ARHGAP20: variants seen among roughly 807,000 people sequenced by gnomAD.
ARHGAP20 encodes Rho GTPase activating protein 20.
ARHGAP20 carries 34 observed loss-of-function variants against 73.7 expected under a neutral mutation model. The ratio of observed to expected loss-of-function variants is 0.46; its 90% CI spans 0.35 to 0.61. ARHGAP20 has a LOEUF of 0.61. ARHGAP20 is among the 20% of genes least tolerant of loss of function. The pLI, the probability that ARHGAP20 is intolerant of heterozygous loss-of-function variation, is 0.00. For synonymous variants in ARHGAP20, 523 were observed against 518.2 expected (o/e 1.01, Z -0.13); for missense variants, 1,314 against 1,420.9 (o/e 0.92, Z 1.21).
At chr11:110,583,825 G>T (rs1444968921) in intron 12 of ARHGAP20, 88 bp from the exon 13 acceptor site, 3 of 1,124,546 alleles carry the variant, frequency 2.7e-6, no homozygotes, top group Non-Finnish European at 3.6e-6. Flanking sequence ...TGGGGAAGAG[G>T]GAAATCAAGA....
intron 4 of ARHGAP20, among the ~76,000 whole-genome samples, chr11:110,621,153 A>G (rs1948621724): frequency 1.3e-5 from 2 of 150,942 alleles, no homozygotes; most frequent in South Asian, 4.2e-4. Context: ...AATAATTCAA[A>G]TTGTCATTTT....
At chr11:110,641,409 C>T (rs1949074675) in intron 2 of ARHGAP20, among the ~76,000 whole-genome samples, 1 of 151,884 alleles carries the variant, frequency 6.6e-6, no homozygotes. Context: ...TCACTTAGTA[C>T]AAGGCACTTG....
At chr11:110,692,816 G>A (rs953177883) in intron 1 of ARHGAP20, among the ~76,000 whole-genome samples, 2 of 151,966 alleles carry the variant, frequency 1.3e-5, no homozygotes, top group Non-Finnish European at 2.9e-5. Flanking sequence ...CAAGGAAGAT[G>A]AGGCAAAAAG....
intron 1 of ARHGAP20, among the ~76,000 whole-genome samples, chr11:110,700,106 C>A (rs1591189814): frequency 6.6e-6 from 1 of 152,042 alleles, no homozygotes; most frequent in African/African-American, 2.4e-5. Context: ...TCTGAATCTG[C>A]TCATTATTAG....
Position 110,630,765 on chromosome 11 carries a change from T to C in ARHGAP20, c.216A>G (p.Thr72=), listed in dbSNP as rs200904514. Residue 72 remains threonine (T), a synonymous_variant, in exon 3 of 15, where the codon ACA becomes ACG. Coordinates refer to ENST00000683387, the MANE Select transcript of ARHGAP20 (RefSeq NM_001384657.1). ...TRDSPSASVD[T]CTFLSSLVCS... ...ACACTAATGATGACAGAAATGTGCATGTGTCAACACTAGCAGAAGGACTGT... is the reference window on the plus strand; with the variant it reads ...ACACTAATGATGACAGAAATGTGCACGTGTCAACACTAGCAGAAGGACTGT... 4.3e-6 allele frequency: 7 copies of C among 1,614,082 alleles called. No individual in the cohort carries two copies. Among genetic ancestry groups the C allele is most frequent in the East Asian group, 2.2e-5 (1 of 44,878 alleles).
intron 1 of ARHGAP20, among the ~76,000 whole-genome samples, chr11:110,699,862 G>T (rs1239512875): frequency 1.3e-5 from 2 of 152,018 alleles, no homozygotes; most frequent in Non-Finnish European, 2.9e-5. Flanking sequence ...TGTGTATTAA[G>T]TGAATGAATT....
chr11:110,688,604 T>TA (rs558039753), intron 2 of ARHGAP20, among the ~76,000 whole-genome samples: 1 of 150,632 alleles, frequency 6.6e-6, no homozygotes, highest in Non-Finnish European at 1.5e-5. Flanking sequence ...CCACCTCCCC[T>TA]AAAAAAAAAT....
chr11:110,594,399 T>C (rs1328744947), intron 9 of ARHGAP20, among the ~76,000 whole-genome samples: 4 of 152,210 alleles, frequency 2.6e-5, no homozygotes, highest in African/African-American at 9.7e-5. Flanking sequence ...CAAAGGCTTA[T>C]TGAAAGGATT....
At chr11:110,639,684 T>C (rs1949041581) in intron 2 of ARHGAP20, among the ~76,000 whole-genome samples, 1 of 152,048 alleles carries the variant, frequency 6.6e-6, no homozygotes, top group South Asian at 2.1e-4. Flanking sequence ...TCACATCATG[T>C]AATATCTATC....
chr11:110,625,676 A>T lies in ARHGAP20; in HGVS notation c.354-1365T>A, dbSNP rs115973641. Among the ~76,000 whole-genome samples, 609 of 151,696 alleles carry T rather than the reference A, an allele frequency of 4.0e-3. 6 individuals are homozygous for T. Among genetic ancestry groups the T allele is most frequent in the African/African-American group, 0.014 (569 of 41,522 alleles). On this transcript the variant is annotated intron_variant, in intron 3 of 14. Coordinates refer to ENST00000683387, the MANE Select transcript of ARHGAP20 (RefSeq NM_001384657.1). ...AATTGCTTTTAGACAATTTCTACCT[A>T]ATCCCTGTAGACTCCTGATATGGAA...
chr11:110,611,054 T>C (rs1948355446), intron 7 of ARHGAP20, among the ~76,000 whole-genome samples: 1 of 152,100 alleles, frequency 6.6e-6, no homozygotes, highest in Non-Finnish European at 1.5e-5. Flanking sequence ...TATAATAAAA[T>C]ACATATTGTC....
intron 2 of ARHGAP20, among the ~76,000 whole-genome samples, chr11:110,634,359 C>G (rs554221560): frequency 2.6e-5 from 4 of 151,910 alleles, no homozygotes; most frequent in Admixed American, 2.6e-4. Flanking sequence ...GACAGGTAAG[C>G]GAGAAACAAT....
rs1947324275 is a variant in ARHGAP20 at position 110,577,694 on chromosome 11, G to C, written c.*1676C>G. ...AAATCGACTTCACATCTGTGACTCA[G>C]ATGGCCAGTGTCACGAAGTAGCTCT... On this transcript the variant is annotated 3_prime_UTR_variant, in exon 15 of 15. Transcript: ENST00000683387. The C allele has an allele frequency of 1.0e-6, 1 of 985,880 alleles. No individual in the cohort carries two copies. The highest frequency in any genetic ancestry group is 1.7e-5 in the African/African-American group (1 of 57,352). The allele number at this position is 985,880 out of a possible 1,614,324, so 61.1% of individuals were successfully genotyped here. A position where few individuals can be genotyped will look rare whatever the true frequency, so the allele number is the denominator to read the frequency against.
intron 14 of ARHGAP20, among the ~76,000 whole-genome samples, 179 bp downstream of exon 14, chr11:110,582,142 T>C (rs1947489033): frequency 6.6e-6 from 1 of 152,214 alleles, no homozygotes. Flanking sequence ...TGTTAACATA[T>C]GCTGACCTAT....
chr11:110,610,808 G>T (rs1948349258), intron 7 of ARHGAP20, among the ~76,000 whole-genome samples: 1 of 152,046 alleles, frequency 6.6e-6, no homozygotes, highest in African/African-American at 2.4e-5. Context: ...TTTATCAGAG[G>T]TATTAGCCAT....
At chr11:110,633,128 T>C (rs1188631123) in intron 2 of ARHGAP20, among the ~76,000 whole-genome samples, 2 of 152,202 alleles carry the variant, frequency 1.3e-5, no homozygotes, top group Non-Finnish European at 2.9e-5. Flanking sequence ...TTTAAGTCTA[T>C]GATCCATCCC....
In ARHGAP20 at chr11:110,582,575, C is replaced by T. The variant is rs1947502488; in HGVS notation, c.1606-140G>A. On this transcript the variant is annotated intron_variant, in intron 13 of 14. Transcript: ENST00000683387. ...ATATCGGCTTTAAAAGTACATTAAA[C>T]AGTTTCCCTAAAAAACTATGATACT... The T allele has an allele frequency of 1.0e-5, 6 of 595,350 alleles. No individual in the cohort carries two copies. In the South Asian group the frequency reaches 1.3e-4, roughly 12 times the overall value. The allele number at this position is 595,350 out of a possible 1,614,324, so 36.9% of individuals were successfully genotyped here.
At position 110,614,767 on chromosome 11, in the gene ARHGAP20, A is replaced by C. The variant is rs1948447941; in HGVS notation, c.546-122T>G. On this transcript the variant is annotated intron_variant, in intron 5 of 14. Transcript: ENST00000683387. ...ATATACTTATATGCTATTTTTAAAA[A>C]AGATAGATGAGAAGACTCAGCAAAG... 4.6e-6 allele frequency: 3 copies of C among 656,436 alleles called. No individual in the cohort carries two copies. In the Admixed American group the frequency reaches 1.0e-4, roughly 23 times the overall value. The allele number at this position is 656,436 out of a possible 1,614,324, so 40.7% of individuals were successfully genotyped here. A position where few individuals can be genotyped will look rare whatever the true frequency, so the allele number is the denominator to read the frequency against.
intron 2 of ARHGAP20, among the ~76,000 whole-genome samples, chr11:110,672,329 G>A (rs1949844522): frequency 6.6e-6 from 1 of 151,988 alleles, no homozygotes; most frequent in Admixed American, 6.6e-5. Context: ...TAAAAAATGG[G>A]CAAAAGGTTG....
Sources: allele counts gnomAD v4.1 joint callset (sites outside exome capture counted in the v4.1 genomes callset), GRCh38; gene constraint gnomAD v4.1.1; transcripts MANE v1.5; gene names NCBI Gene and HGNC (gene_info 2026-07-23, HGNC 2026-07-21).